LRRC37A: variants seen among roughly 807,000 people sequenced by gnomAD.
LRRC37A encodes the protein leucine rich repeat containing 37A, also known as leucine-rich repeat-containing protein 37A.
In LRRC37A, 3 loss-of-function variants were observed where a neutral mutation model predicts 35.4. The ratio of observed to expected loss-of-function variants is 0.08; its 90% CI spans 0.04 to 0.22. The LOEUF is 0.22. LRRC37A is among the 10% of genes least tolerant of loss of function. The pLI is 1.00. For missense variants in LRRC37A, 67 were observed against 565.3 expected, an observed-to-expected ratio of 0.12 and a Z score of 8.94; for synonymous variants, 23 against 215.0, an observed-to-expected ratio of 0.11 and a Z score of 7.81.
the LRRC37A span, chr17:46,260,158 A>T: frequency 0.31 from 287,976 of 943,414 alleles, 124,634 homozygotes; most frequent in South Asian, 0.67. Context: ...CAGCGCGGGC[A>T]GCAGCGCGGT....
chr17:46,288,305 CTTTTTTTTTTT>C, upstream of LRRC37A, among the ~76,000 whole-genome samples: 1 of 112,254 alleles, frequency 8.9e-6, no homozygotes, highest in African/African-American at 3.9e-5. Flanking sequence ...CCAGGCCCGG[CTTTTTTTTTTT>C]TTTTTTTTTT....
the LRRC37A span, among the ~76,000 whole-genome samples, chr17:46,283,890 A>T: frequency 1.3e-5 from 2 of 152,384 alleles, no homozygotes; most frequent in Non-Finnish European, 1.5e-5. Context: ...AGGTCTCTGC[A>T]TCATAGACAA....
the LRRC37A span, among the ~76,000 whole-genome samples, chr17:46,272,394 T>TA: frequency 6.6e-6 from 1 of 152,324 alleles, no homozygotes; most frequent in East Asian, 1.9e-4. Flanking sequence ...CATTATGTTC[T>TA]AAAAAATGTA....
At chr17:46,284,014 C>T in the LRRC37A span, among the ~76,000 whole-genome samples, 2 of 152,264 alleles carry the variant, frequency 1.3e-5, no homozygotes, top group Admixed American at 6.5e-5. Context: ...CGGTTTTTCC[C>T]TATCTCAGTA....
chr17:46,265,477 C>T, the LRRC37A span, among the ~76,000 whole-genome samples: 1 of 116,874 alleles, frequency 8.6e-6, no homozygotes, highest in Non-Finnish European at 2.2e-5. Context: ...CCTTCTTCTT[C>T]TTCTTTCTTT....
At chr17:46,250,624 A>T in the LRRC37A span, among the ~76,000 whole-genome samples, 1 of 152,206 alleles carries the variant, frequency 6.6e-6, no homozygotes. Flanking sequence ...TGGAACTCAG[A>T]CTGGCTCTCC....
At chr17:46,265,335 C>CTCTTCT in the LRRC37A span, among the ~76,000 whole-genome samples, 4 of 108,914 alleles carry the variant, frequency 3.7e-5, no homozygotes, top group South Asian at 2.6e-4. Flanking sequence ...TTTTTTTCTC[C>CTCTTCT]TCTTCTTCTT....
chr17:46,256,633 A>G, the LRRC37A span, among the ~76,000 whole-genome samples: 1 of 152,214 alleles, frequency 6.6e-6, no homozygotes, highest in Admixed American at 6.5e-5. Flanking sequence ...ACCATCACCG[A>G]ACTAGCCTCT....
the LRRC37A span, among the ~76,000 whole-genome samples, chr17:46,253,965 AG>A: frequency 3.3e-5 from 5 of 152,242 alleles, no homozygotes; most frequent in Admixed American, 6.5e-5. Context: ...GAAGATTAGA[AG>A]GGGGATGCAA....
At chr17:46,260,625 T>A in the LRRC37A span, 3 of 954,126 alleles carry the variant, frequency 3.1e-6, no homozygotes, top group Non-Finnish European at 4.6e-6. Flanking sequence ...ATTCTCTTTT[T>A]TTTTTTTTTT....
the LRRC37A span, among the ~76,000 whole-genome samples, chr17:46,265,996 C>G: frequency 1.5e-4 from 23 of 152,172 alleles, no homozygotes; most frequent in African/African-American, 5.3e-4. Flanking sequence ...ACTTGGGAGG[C>G]TGAGGCACGA....
the LRRC37A span, among the ~76,000 whole-genome samples, chr17:46,272,840 C>T: frequency 6.6e-6 from 1 of 152,204 alleles, no homozygotes; most frequent in Admixed American, 6.5e-5. Flanking sequence ...CCATTAAATA[C>T]ACATGAAATT....
upstream of LRRC37A, among the ~76,000 whole-genome samples, chr17:46,288,319 T>C (rs1245693242): frequency 6.7e-6 from 1 of 148,630 alleles, no homozygotes; most frequent in African/African-American, 2.5e-5. Flanking sequence ...TTTTTTTTTT[T>C]TTTTTTTTTG....
At chr17:46,327,612 C>T (rs934681132) in intron 7 of LRRC37A, among the ~76,000 whole-genome samples, 3 of 9,074 alleles carry the variant, frequency 3.3e-4, no homozygotes, top group African/African-American at 5.5e-4. Context: ...TAATTTTCCC[C>T]TTGGTAATTA....
the LRRC37A span, among the ~76,000 whole-genome samples, chr17:46,279,482 C>A: frequency 6.7e-6 from 1 of 150,000 alleles, no homozygotes; most frequent in Non-Finnish European, 1.5e-5. Flanking sequence ...CCGCACCTGG[C>A]CTTTTTTTTC....
chr17:46,268,836 G>A, the LRRC37A span: 5 of 614,942 alleles, frequency 8.1e-6, no homozygotes, highest in Non-Finnish European at 1.2e-5. Flanking sequence ...CTGTAATCTC[G>A]AAGGTGTCAC....
the LRRC37A span, chr17:46,267,371 G>A: frequency 6.3e-7 from 1 of 1,592,022 alleles, no homozygotes; most frequent in Non-Finnish European, 8.5e-7. Flanking sequence ...GCGGGCATCT[G>A]GCTGGTGACC....
the LRRC37A span, among the ~76,000 whole-genome samples, chr17:46,266,731 G>C: frequency 0.14 from 22,011 of 151,922 alleles, 2,139 homozygotes; most frequent in Middle Eastern, 0.22. Flanking sequence ...CCCTGGGAGC[G>C]GAGCGGGGAT....
chr17:46,270,197 A>G, the LRRC37A span, among the ~76,000 whole-genome samples: 1 of 152,264 alleles, frequency 6.6e-6, no homozygotes, highest in Non-Finnish European at 1.5e-5. Context: ...TGATGCACTC[A>G]GGAAGGTCAG....
Sources: allele counts gnomAD v4.1 joint callset (sites outside exome capture counted in the v4.1 genomes callset), GRCh38; gene constraint gnomAD v4.1.1; transcripts MANE v1.5; gene names NCBI Gene and HGNC (gene_info 2026-07-23, HGNC 2026-07-21).